MAX: variants seen among roughly 807,000 people sequenced by gnomAD.
MAX encodes the protein MYC associated transcriptional regulator X, also known as protein max.
In MAX, 3 loss-of-function variants were observed where a neutral mutation model predicts 22.3. That is an observed-to-expected ratio of 0.13 (90% CI 0.06 to 0.35). MAX has a LOEUF of 0.35. MAX is among the 10% of genes least tolerant of loss of function. MAX has a pLI of 1.00. For synonymous variants in MAX, 72 were observed against 77.7 expected, an observed-to-expected ratio of 0.93 and a Z score of 0.39; for missense variants, 119 against 209.4, an observed-to-expected ratio of 0.57 and a Z score of 2.66.
At chr14:65,041,636 A>T (rs2062356135) in intron 3 of MAX, among the ~76,000 whole-genome samples, 1 of 152,164 alleles carries the variant, frequency 6.6e-6, no homozygotes, top group African/African-American at 2.4e-5. Flanking sequence ...GCCTCCCGTT[A>T]TGCGGCCCAT....
Position 65,076,988 on chromosome 14 carries a change from T to C in MAX, c.296-325A>G. The C allele has an allele frequency of 1.8e-6, 1 of 544,334 alleles. No homozygotes were observed. Among genetic ancestry groups the C allele is most frequent in the Non-Finnish European group, 3.3e-6 (1 of 304,318 alleles). 33.7% of individuals were successfully genotyped at this position (544,334 alleles called of 1,614,324 possible). Reference sequence around the variant, plus strand: ...CTCCCTGTGGGATTCAGCAGTGCAATAACAGAGGAGAAGCTGGCCCAGGAG... The same window carrying C: ...CTCCCTGTGGGATTCAGCAGTGCAACAACAGAGGAGAAGCTGGCCCAGGAG... On this transcript the variant is annotated intron_variant, in intron 4 of 4. Coordinates refer to ENST00000358664, the MANE Select transcript of MAX (RefSeq NM_002382.5). The surrounding 1 kb of genome is among the most constrained non-coding windows in gnomAD (Gnocchi z 6.6).
At chr14:65,073,281 T>C (rs576244354), downstream of MAX, among the ~76,000 whole-genome samples, 43 of 152,264 alleles carry the variant, frequency 2.8e-4, no homozygotes, top group South Asian at 4.6e-3. Flanking sequence ...CATGATACTA[T>C]CAGAAACAGA....
chr14:65,053,288 C>T, intron 3 of MAX: 1 of 1,467,974 alleles, frequency 6.8e-7, no homozygotes, highest in Non-Finnish European at 9.1e-7. Flanking sequence ...GCAGGCCCTG[C>T]AGGAGTACAT....
intron 3 of MAX, among the ~76,000 whole-genome samples, chr14:65,040,072 C>T (rs895421976): frequency 2.0e-5 from 3 of 152,054 alleles, no homozygotes; most frequent in Non-Finnish European, 2.9e-5. Context: ...CGCCCATAGT[C>T]CCAGCTACTC....
intron 3 of MAX, among the ~76,000 whole-genome samples, chr14:65,087,044 G>A (rs2063353936): frequency 6.6e-6 from 1 of 152,256 alleles, no homozygotes; most frequent in African/African-American, 2.4e-5. Context: ...GCTTCAGAGG[G>A]TGCCAGCCCC....
intron 3 of MAX, among the ~76,000 whole-genome samples, chr14:65,064,478 C>T (rs560087517): frequency 6.6e-6 from 1 of 152,280 alleles, no homozygotes; most frequent in South Asian, 2.1e-4. Context: ...TCAGGCTCTC[C>T]ATGGGGTTGT....
intron 3 of MAX, among the ~76,000 whole-genome samples, chr14:65,063,796 C>T (rs1465544957): frequency 6.6e-6 from 1 of 152,200 alleles, no homozygotes; most frequent in East Asian, 1.9e-4. Context: ...AGCTCCTGGG[C>T]TCAAGCAATC....
rs1164974379 is a variant in MAX, at chr14:65,044,831, G to A, written c.172-38547C>T. Reference sequence around the variant, plus strand: ...AACCCTCAGTGTTGCAACAGTCACTGTTGCAACAGCAACAGGAAAGGCAAC... The same window carrying A: ...AACCCTCAGTGTTGCAACAGTCACTATTGCAACAGCAACAGGAAAGGCAAC... On this transcript the variant is annotated intron_variant, in intron 3 of 3. Coordinates refer to the MAX transcript ENST00000341653. The surrounding 1 kb of genome is among the most constrained non-coding windows in gnomAD (Gnocchi z 5.5). 3.9e-4 allele frequency: 67 copies of A among 171,284 alleles called. No individual in the cohort carries two copies. The highest frequency in any genetic ancestry group is 1.5e-4 in the Non-Finnish European group (12 of 81,124). 10.6% of individuals were successfully genotyped at this position (171,284 alleles called of 1,614,324 possible).
chr14:65,026,608 C>G (rs113322249), intron 3 of MAX, among the ~76,000 whole-genome samples: 3 of 152,116 alleles, frequency 2.0e-5, no homozygotes, highest in Non-Finnish European at 4.4e-5. Flanking sequence ...ACCTGTAATC[C>G]CAGCACTTGC....
intron 3 of MAX, chr14:65,061,506 T>C: frequency 9.7e-7 from 1 of 1,026,490 alleles, no homozygotes; most frequent in Non-Finnish European, 1.3e-6. Context: ...TTAAAAATTC[T>C]TTCCACACCT....
intron 3 of MAX, among the ~76,000 whole-genome samples, chr14:65,056,765 C>A (rs1404651136): frequency 6.6e-6 from 1 of 152,168 alleles, no homozygotes; most frequent in Non-Finnish European, 1.5e-5. Flanking sequence ...TAGTGAATAT[C>A]TTCCAGCTTG....
chr14:65,070,268 A>C (rs1182647228), downstream of MAX, among the ~76,000 whole-genome samples: 1 of 152,134 alleles, frequency 6.6e-6, no homozygotes, highest in Admixed American at 6.5e-5. This position sits in a 1 kb window ranked among gnomAD's most constrained non-coding sequence, Gnocchi z 4.4. Context: ...TAGGAGGCTT[A>C]ATCCTTCACC....
intron 3 of MAX, chr14:65,090,214 A>G (rs1389266922): frequency 6.6e-6 from 1 of 152,192 alleles, no homozygotes; most frequent in Non-Finnish European, 1.5e-5. Context: ...TCCCAGGACA[A>G]TGACAAGATA....
chr14:65,029,162 G>A lies in MAX; in HGVS notation c.172-22878C>T, dbSNP rs1007899974. ...GGGTGATGCTCTGCCATTCGTGCCC[G>A]TGCTTTCTATTTACATAAAGGATTA... On this transcript the variant is annotated intron_variant, in intron 3 of 3. Coordinates refer to the MAX transcript ENST00000341653. The surrounding 1 kb of genome is among the most constrained non-coding windows in gnomAD (Gnocchi z 4.7). Among the ~76,000 whole-genome samples, 2 of 152,148 alleles carry A rather than the reference G, an allele frequency of 1.3e-5. No homozygotes were observed. Among genetic ancestry groups the A allele is most frequent in the East Asian group, 1.9e-4 (1 of 5,200 alleles).
At position 65,062,283 on chromosome 14, in the gene MAX, T is replaced by A. The variant is rs1199401731; in HGVS notation, c.171+31425A>T. 2 of 152,306 alleles carry A rather than the reference T, an allele frequency of 1.3e-5. No homozygotes were observed. Among genetic ancestry groups the A allele is most frequent in the African/African-American group, 4.8e-5 (2 of 41,476 alleles). The allele number at this position is 152,306 out of a possible 1,614,324, so 9.4% of individuals were successfully genotyped here. ...CCTTAACTTATGACTCAGGATTTAT[T>A]CACGTCCTGCCCACTCTAGGCTCAC... On this transcript the variant is annotated intron_variant, in intron 3 of 3. Transcript: ENST00000341653. This position sits in a 1 kb window ranked among gnomAD's most constrained non-coding sequence, Gnocchi z 4.3.
At position 65,044,414 on chromosome 14, in the gene MAX, C is replaced by T; in HGVS notation, c.172-38130G>A. On this transcript the variant is annotated intron_variant, in intron 3 of 3. Transcript: ENST00000341653. The surrounding 1 kb of genome is among the most constrained non-coding windows in gnomAD (Gnocchi z 5.5). ...TCCTTCTGGCAGGCGGGGCTCCTGC[C>T]CCTGCTCCACCGCGCACTGCACGCC... The T allele has an allele frequency of 6.2e-7, 1 of 1,612,974 alleles. No homozygotes were observed. The highest frequency in any genetic ancestry group is 8.5e-7 in the Non-Finnish European group (1 of 1,179,582).
intron 3 of MAX, among the ~76,000 whole-genome samples, chr14:65,036,647 GTC>G (rs2062199532): frequency 2.6e-5 from 4 of 151,974 alleles, no homozygotes; most frequent in South Asian, 2.1e-4. Context: ...TTTTTCTTCT[GTC>G]TCTCTTTTTC....
In MAX at chr14:65,044,970, C is replaced by T. The variant is rs377285677; in HGVS notation, c.172-38686G>A. Among the ~76,000 whole-genome samples, 4 of 152,258 alleles carry T rather than the reference C, an allele frequency of 2.6e-5. No homozygotes were observed. The highest frequency in any genetic ancestry group is 7.2e-5 in the African/African-American group (3 of 41,544). The stretch of plus-strand genomic sequence containing the variant: ...TGTCTGACTGGCTGCAGAGTTGTCA[C>T]TATTAGAAATGTTTTATTTTACATT... On this transcript the variant is annotated intron_variant, in intron 3 of 3. Coordinates refer to the MAX transcript ENST00000341653. The surrounding 1 kb of genome is among the most constrained non-coding windows in gnomAD (Gnocchi z 5.5).
At chr14:65,040,321 A>T (rs2062319706) in intron 3 of MAX, among the ~76,000 whole-genome samples, 1 of 149,922 alleles carries the variant, frequency 6.7e-6, no homozygotes, top group African/African-American at 2.4e-5. Flanking sequence ...ATATATGTAC[A>T]TATATGTATA....
Sources: gnomAD v4.1 joint callset for allele counts (sites outside exome capture counted in the v4.1 genomes callset) on GRCh38, gnomAD v4.1.1 for gene constraint, Gnocchi (gnomAD v3.1) non-coding constraint, MANE v1.5 for transcripts, NCBI Gene and HGNC (gene_info 2026-07-23, HGNC 2026-07-21) for gene names.